Variants in LRBA observed in about 807,000 individuals in gnomAD.
LRBA encodes LPS responsive beige-like anchor protein.
LRBA carries 176 observed loss-of-function variants against 330.0 expected under a neutral mutation model. The ratio of observed to expected loss-of-function variants is 0.53; its 90% CI spans 0.47 to 0.60. LRBA has a LOEUF of 0.60. LRBA is among the 20% of genes least tolerant of loss of function. The probability of loss-of-function intolerance (pLI) is 0.00; values close to 1 mark genes in which losing one functional copy is unlikely to be tolerated. For synonymous variants in LRBA, 1,230 were observed against 1,193.0 expected, an observed-to-expected ratio of 1.03 and a Z score of -0.64; for missense variants, 3,259 against 3,444.8, an observed-to-expected ratio of 0.95 and a Z score of 1.35.
chr4:150,588,230 T>C, intron 39 of LRBA, 46 bp from the exon 40 acceptor site: 2 of 1,540,850 alleles, frequency 1.3e-6, no homozygotes, highest in Non-Finnish European at 1.7e-6. Context: ...ATGACATTTT[T>C]CAAAAAATCA....
intron 29 of LRBA, among the ~76,000 whole-genome samples, chr4:150,831,561 A>T (rs1747190383): frequency 6.6e-6 from 1 of 152,346 alleles, no homozygotes; most frequent in African/African-American, 2.4e-5. Context: ...GAAGTCAATA[A>T]AATTTTTCAA....
rs528692256 is a variant in LRBA at position 150,417,783 on chromosome 4, A to C, written c.7042-2193T>G. On this transcript the variant is annotated intron_variant, in intron 46 of 56. Coordinates refer to ENST00000651943, the MANE Select transcript of LRBA (RefSeq NM_001364905.1). ...CTAAATGCATAGTAAAAATATACCT[A>C]AAAAGTACTCTTACCAACACCAATT... Among the ~76,000 whole-genome samples the C allele has an allele frequency of 9.9e-5, 15 of 152,282 alleles. No individual in the cohort carries two copies. In the South Asian group the frequency reaches 3.1e-3, roughly 32 times the overall value.
intron 46 of LRBA, among the ~76,000 whole-genome samples, chr4:150,429,466 T>C (rs962468303): frequency 7.9e-5 from 12 of 152,050 alleles, no homozygotes; most frequent in African/African-American, 2.7e-4. Context: ...GTTGCAAAGA[T>C]TTCAGCTTAT....
intron 9 of LRBA, among the ~76,000 whole-genome samples, chr4:150,913,473 A>G (rs1483290558): frequency 6.6e-6 from 1 of 152,188 alleles, no homozygotes; most frequent in Non-Finnish European, 1.5e-5. Context: ...ACCTCAAAAA[A>G]AAGAAGAAGA....
intron 8 of LRBA, among the ~76,000 whole-genome samples, chr4:150,914,632 C>T (rs903180949): frequency 7.9e-5 from 12 of 152,216 alleles, no homozygotes; most frequent in African/African-American, 2.6e-4. Flanking sequence ...TGTACTTCAC[C>T]TATCTGTAAA....
At chr4:150,908,980 G>T in intron 9 of LRBA, 123 bp from the exon 10 acceptor site, 1 of 602,338 alleles carries the variant, frequency 1.7e-6, no homozygotes, top group Non-Finnish European at 2.8e-6. Context: ...TTATATAAGA[G>T]GACCCCTCGT....
chr4:151,014,678 CT>C lies in LRBA; in HGVS notation c.-37del. On this transcript the variant is annotated 5_prime_UTR_variant, in exon 2 of 57. Coordinates refer to ENST00000651943, the MANE Select transcript of LRBA (RefSeq NM_001364905.1). ...CGATAAAGGACAACTCAGAGTCACC[CT>C]GGGACGGCAGTCGCTGCACTGGTAA... 1 of 1,457,498 alleles carries C rather than the reference CT, an allele frequency of 6.9e-7. No individual in the cohort carries two copies. The highest frequency in any genetic ancestry group is 9.4e-7 in the Non-Finnish European group (1 of 1,063,334). The allele number at this position is 1,457,498 out of a possible 1,614,324, so 90.3% of individuals were successfully genotyped here.
chr4:150,648,157 G>GAAAAAAAAAAAAAAAAAAAA (rs1561468268), intron 37 of LRBA, among the ~76,000 whole-genome samples: 2 of 5,234 alleles, frequency 3.8e-4, no homozygotes, highest in Non-Finnish European at 2.4e-3. Context: ...AACACAAGTA[G>GAAAAAAAAAAAAAAAAAAAA]CAAAAAAAAA....
intron 29 of LRBA, among the ~76,000 whole-genome samples, chr4:150,829,927 T>C (rs1345950706): frequency 2.0e-5 from 3 of 152,194 alleles, no homozygotes; most frequent in African/African-American, 7.2e-5. Flanking sequence ...CTGTACCTTG[T>C]AATCATTTTT....
At chr4:150,945,304 T>G (rs1561039952) in intron 2 of LRBA, among the ~76,000 whole-genome samples, 1 of 152,190 alleles carries the variant, frequency 6.6e-6, no homozygotes, top group South Asian at 2.1e-4. Flanking sequence ...ACATTAGATA[T>G]AGCCTAAATA....
At chr4:150,517,573 G>T (rs890796182) in intron 40 of LRBA, among the ~76,000 whole-genome samples, 37 of 151,978 alleles carry the variant, frequency 2.4e-4, no homozygotes, top group African/African-American at 8.9e-4. Context: ...GGGGGCAAGA[G>T]GAGAAAGCCA....
At chr4:150,939,930 A>C (rs1234116903) in intron 2 of LRBA, among the ~76,000 whole-genome samples, 2 of 152,224 alleles carry the variant, frequency 1.3e-5, no homozygotes, top group Non-Finnish European at 2.9e-5. Context: ...ATAACTCAAT[A>C]TATCAAGGTA....
At chr4:150,610,416 C>T (rs114836347) in intron 37 of LRBA, among the ~76,000 whole-genome samples, 2 of 152,074 alleles carry the variant, frequency 1.3e-5, no homozygotes, top group Non-Finnish European at 2.9e-5. Context: ...GGCGAAAACT[C>T]GTCTCTACTA....
intron 46 of LRBA, among the ~76,000 whole-genome samples, chr4:150,424,478 A>G (rs1008226599): frequency 6.6e-6 from 1 of 152,228 alleles, no homozygotes; most frequent in African/African-American, 2.4e-5. Flanking sequence ...CAAAAATAAG[A>G]TAATTATTTA....
chr4:150,916,350 G>T, intron 7 of LRBA, 51 bp downstream of exon 7: 2 of 1,563,402 alleles, frequency 1.3e-6, no homozygotes, highest in Non-Finnish European at 1.7e-6. Flanking sequence ...AAAGCATTTT[G>T]ATGACTAGCA....
chr4:150,488,986 TATA>T (rs1415519951), intron 41 of LRBA, among the ~76,000 whole-genome samples: 1 of 124,148 alleles, frequency 8.1e-6, no homozygotes, highest in East Asian at 2.3e-4. Flanking sequence ...ATATATAACA[TATA>T]ATATATATAA....
At position 151,014,595 on chromosome 4, in the gene LRBA, AT is replaced by A. The variant is rs1213139823; in HGVS notation, c.47del (p.Asp16ValfsTer20). 1 of 1,611,294 alleles carries A rather than the reference AT, an allele frequency of 6.2e-7. No homozygotes were observed. Among genetic ancestry groups the A allele is most frequent in the Non-Finnish European group, 8.5e-7 (1 of 1,178,604 alleles). Reference protein sequence around the residue: ...NRVPSPPPTGDDGGGGGREET... With the variant: ...NRVPSPPPTGXDGGGGGREET... The stretch of plus-strand genomic sequence containing the variant: ...CTTCTCTCCCTCCACCTCCCCCGTC[AT>A]CACCTGTTGGTGGCGGGGAAGGGAC... On this transcript the variant is annotated frameshift_variant, in exon 2 of 57. Coordinates refer to ENST00000651943, the MANE Select transcript of LRBA (RefSeq NM_001364905.1). LOFTEE classifies it high-confidence loss of function.
chr4:150,564,210 C>A (rs1457953785), intron 40 of LRBA, among the ~76,000 whole-genome samples: 1 of 152,086 alleles, frequency 6.6e-6, no homozygotes, highest in African/African-American at 2.4e-5. Context: ...TGGAACAGAA[C>A]AGAGGCCTCA....
intron 34 of LRBA, among the ~76,000 whole-genome samples, chr4:150,786,276 G>A (rs1180150726): frequency 5.1e-5 from 7 of 136,636 alleles, no homozygotes; most frequent in African/African-American, 1.9e-4. Context: ...TTTTTGAGAT[G>A]GAGTCGCCTG....
Sources: allele counts gnomAD v4.1 joint callset (sites outside exome capture counted in the v4.1 genomes callset), GRCh38; gene constraint gnomAD v4.1.1; transcripts MANE v1.5; gene names NCBI Gene and HGNC (gene_info 2026-07-23, HGNC 2026-07-21).